The following ADAMTSL1 variants were observed in gnomAD, a reference collection of about 807,000 sequenced individuals.
ADAMTSL1 encodes ADAMTS-like protein 1.
ADAMTSL1 carries 126 observed loss-of-function variants against 201.8 expected under a neutral mutation model. The ratio of observed to expected loss-of-function variants is 0.62; its 90% CI spans 0.54 to 0.72. ADAMTSL1 has a LOEUF of 0.72. Among genes scored for constraint, ADAMTSL1 ranks in the 30% least tolerant of loss-of-function variants. ADAMTSL1 has a pLI of 0.00. For missense variants in ADAMTSL1, 2,679 were observed against 2,277.8 expected (o/e 1.18, Z -3.59); for synonymous variants, 1,121 against 903.4 (o/e 1.24, Z -4.32).
At chr9:17,951,642 A>G (rs1330672446) in intron 1 of ADAMTSL1, among the ~76,000 whole-genome samples, 5 of 118,992 alleles carry the variant, frequency 4.2e-5, no homozygotes, top group Admixed American at 8.2e-5. Context: ...TTTTTTTTCT[A>G]TTGGGCTGTT....
At chr9:18,338,154 C>T (rs1282671965) in intron 2 of ADAMTSL1, among the ~76,000 whole-genome samples, 1 of 152,116 alleles carries the variant, frequency 6.6e-6, no homozygotes, top group African/African-American at 2.4e-5. Context: ...AGTTTGCTTG[C>T]TCTTCCTGGG....
chr9:18,258,442 G>A (rs1474702037), intron 2 of ADAMTSL1, among the ~76,000 whole-genome samples: 1 of 152,220 alleles, frequency 6.6e-6, no homozygotes, highest in Non-Finnish European at 1.5e-5. Context: ...GGGGAATGCA[G>A]GGAGAGCCTC....
At chr9:18,197,262 C>T (rs1829221875) in intron 2 of ADAMTSL1, among the ~76,000 whole-genome samples, 1 of 152,080 alleles carries the variant, frequency 6.6e-6, no homozygotes, top group Non-Finnish European at 1.5e-5. Context: ...CTGTAAATTA[C>T]CTTGGGCAGT....
chr9:18,847,314 G>C (rs973821017), intron 23 of ADAMTSL1, among the ~76,000 whole-genome samples: 1 of 152,154 alleles, frequency 6.6e-6, no homozygotes, highest in African/African-American at 2.4e-5. Context: ...ATGAGGCAAA[G>C]TATTCCATGC....
At chr9:18,010,887 T>C (rs983755403) in intron 1 of ADAMTSL1, among the ~76,000 whole-genome samples, 1 of 152,080 alleles carries the variant, frequency 6.6e-6, no homozygotes, top group African/African-American at 2.4e-5. Context: ...TATCCTGATA[T>C]ATAGTTACTT....
intron 1 of ADAMTSL1, among the ~76,000 whole-genome samples, chr9:18,159,787 G>T (rs1360186170): frequency 6.6e-6 from 1 of 152,030 alleles, no homozygotes; most frequent in Non-Finnish European, 1.5e-5. Flanking sequence ...GAGAATGGTT[G>T]GTGCCAGGTT....
intron 5 of ADAMTSL1, among the ~76,000 whole-genome samples, chr9:18,632,654 A>G (rs1189758560): frequency 6.6e-6 from 1 of 152,138 alleles, no homozygotes; most frequent in African/African-American, 2.4e-5. Context: ...CCTAGCATGG[A>G]GCCTGACACT....
At chr9:18,390,325 A>C (rs755573069) in intron 2 of ADAMTSL1, among the ~76,000 whole-genome samples, 11 of 152,228 alleles carry the variant, frequency 7.2e-5, no homozygotes, top group Admixed American at 2.6e-4. Context: ...AGGGCATGCT[A>C]ATCTTAACAA....
chr9:18,857,117 T>C (rs1053419471), intron 23 of ADAMTSL1, among the ~76,000 whole-genome samples: 2 of 152,222 alleles, frequency 1.3e-5, no homozygotes, highest in African/African-American at 4.8e-5. Flanking sequence ...GGTTTGAGAC[T>C]TGGTTTCTTT....
At chr9:18,216,792 T>G (rs1429101194) in intron 2 of ADAMTSL1, among the ~76,000 whole-genome samples, 1 of 152,168 alleles carries the variant, frequency 6.6e-6, no homozygotes, top group Non-Finnish European at 1.5e-5. Flanking sequence ...TTGTTCTTGT[T>G]AATTTCAACT....
rs76559298 is a variant in ADAMTSL1 at position 18,565,052 on chromosome 9, C to G, written c.238-8978C>G. On this transcript the variant is annotated intron_variant, in intron 3 of 28. Coordinates refer to ENST00000380548, the MANE Select transcript of ADAMTSL1 (RefSeq NM_001040272.6). ...CTAAATGTTTTTACTTAGATCAACT[C>G]TCAGATGCCTGGAAACATTAAAAAC... Among the ~76,000 whole-genome samples, 1,211 of 152,286 alleles carry G rather than the reference C, an allele frequency of 8.0e-3. 33 individuals are homozygous for G. In the East Asian group the frequency reaches 0.091, roughly 11 times the overall value.
At chr9:18,301,903 T>C (rs997709798) in intron 2 of ADAMTSL1, among the ~76,000 whole-genome samples, 1 of 152,216 alleles carries the variant, frequency 6.6e-6, no homozygotes, top group African/African-American at 2.4e-5. Context: ...AAATAGAACA[T>C]TATTTGAATT....
chr9:18,540,732 C>T (rs1030942399), intron 3 of ADAMTSL1, among the ~76,000 whole-genome samples: 2 of 152,148 alleles, frequency 1.3e-5, no homozygotes, highest in African/African-American at 4.8e-5. Flanking sequence ...TTTCTCTTCT[C>T]CCAGGCCCGG....
chr9:18,024,911 C>T (rs1193745709), intron 1 of ADAMTSL1, among the ~76,000 whole-genome samples: 2 of 152,254 alleles, frequency 1.3e-5, no homozygotes, highest in East Asian at 3.9e-4. Context: ...CTTTTCTCCA[C>T]AGCCTTGCCA....
intron 1 of ADAMTSL1, among the ~76,000 whole-genome samples, chr9:18,124,825 T>C (rs1318520033): frequency 1.3e-5 from 2 of 152,184 alleles, no homozygotes; most frequent in East Asian, 3.9e-4. Flanking sequence ...AAATATTAGT[T>C]TTCTGGTCCG....
chr9:18,440,452 C>A (rs1040197543), intron 2 of ADAMTSL1, among the ~76,000 whole-genome samples: 4 of 151,376 alleles, frequency 2.6e-5, no homozygotes, highest in Non-Finnish European at 5.9e-5. Flanking sequence ...CCATCCTGCT[C>A]ATTCAATAAG....
At chr9:18,389,309 G>C (rs80141098) in intron 2 of ADAMTSL1, among the ~76,000 whole-genome samples, 10 of 151,590 alleles carry the variant, frequency 6.6e-5, no homozygotes, top group Non-Finnish European at 1.5e-4. Context: ...TACTTTCTGT[G>C]TATCTTCTAG....
intron 23 of ADAMTSL1, among the ~76,000 whole-genome samples, chr9:18,865,386 C>G (rs1018884413): frequency 4.6e-5 from 7 of 152,150 alleles, no homozygotes; most frequent in Non-Finnish European, 7.3e-5. Context: ...TTTTTTATGG[C>G]TGCATTGTAT....
chr9:18,254,449 A>G (rs900119010), intron 2 of ADAMTSL1, among the ~76,000 whole-genome samples: 2 of 117,430 alleles, frequency 1.7e-5, no homozygotes, highest in East Asian at 2.9e-4. Context: ...TGCAAGCTCC[A>G]CCTCCCGGGT....
Sources: allele counts gnomAD v4.1 joint callset (sites outside exome capture counted in the v4.1 genomes callset), GRCh38; gene constraint gnomAD v4.1.1; transcripts MANE v1.5; gene names NCBI Gene and HGNC (gene_info 2026-07-23, HGNC 2026-07-21).